TDRD7: variants seen among roughly 807,000 people sequenced by gnomAD.
TDRD7 encodes tudor domain-containing protein 7.
In TDRD7, 47 loss-of-function variants were observed where a neutral mutation model predicts 109.8. The observed-to-expected ratio is 0.43, with a 90% CI of 0.34 to 0.55. The LOEUF (loss-of-function observed/expected upper bound fraction) is 0.55, where lower values mean the gene tolerates loss of function less well. TDRD7 is among the 20% of genes least tolerant of loss of function. TDRD7 has a pLI of 0.03. For missense variants in TDRD7, 1,164 were observed against 1,319.2 expected (o/e 0.88, Z 1.82); for synonymous variants, 424 against 457.3 (o/e 0.93, Z 0.93).
chr9:97,487,814 CCTATTATAATA>C (rs1442078238), intron 16 of TDRD7, among the ~76,000 whole-genome samples: 2 of 151,992 alleles, frequency 1.3e-5, no homozygotes, highest in Non-Finnish European at 2.9e-5. Flanking sequence ...ATGGAAACAA[CCTATTATAATA>C]ACCAGTAGGA....
At chr9:97,489,434 T>C (rs562801775) in intron 16 of TDRD7, among the ~76,000 whole-genome samples, 9 of 152,362 alleles carry the variant, frequency 5.9e-5, no homozygotes, top group African/African-American at 1.9e-4. Flanking sequence ...TGCACTGAAG[T>C]CTGCTTTGCC....
chr9:97,476,231 T>C (rs1444221965), intron 12 of TDRD7, among the ~76,000 whole-genome samples: 2 of 152,236 alleles, frequency 1.3e-5, no homozygotes, highest in Non-Finnish European at 2.9e-5. Flanking sequence ...TGCCTGGATC[T>C]AAGGCCATGT....
intron 6 of TDRD7, among the ~76,000 whole-genome samples, chr9:97,450,919 T>C (rs1828478393): frequency 6.6e-6 from 1 of 151,992 alleles, no homozygotes; most frequent in African/African-American, 2.4e-5. Context: ...TTTTTTTTTT[T>C]TTAAACTAAT....
At chr9:97,423,350 C>G (rs556614624) in intron 1 of TDRD7, among the ~76,000 whole-genome samples, 1 of 150,108 alleles carries the variant, frequency 6.7e-6, no homozygotes, top group South Asian at 2.1e-4. Context: ...TCTGTAGGAT[C>G]TGTATTGATG....
At chr9:97,423,752 C>T (rs1827936814) in intron 1 of TDRD7, among the ~76,000 whole-genome samples, 1 of 152,038 alleles carries the variant, frequency 6.6e-6, no homozygotes, top group Admixed American at 6.5e-5. Context: ...TGGAGGTAGC[C>T]TTTCTCTTTG....
At chr9:97,469,192 C>G (rs1472760374) in intron 8 of TDRD7, among the ~76,000 whole-genome samples, 2 of 152,112 alleles carry the variant, frequency 1.3e-5, no homozygotes. Context: ...GTGGTGATAG[C>G]TATTAAAGGA....
chr9:97,453,222 A>C (rs1828531154), intron 6 of TDRD7, among the ~76,000 whole-genome samples: 1 of 152,214 alleles, frequency 6.6e-6, no homozygotes, highest in Non-Finnish European at 1.5e-5. Flanking sequence ...GAAAAGTTTT[A>C]AGGTGGGCTT....
At position 97,474,453 on chromosome 9, in the gene TDRD7, C is replaced by T. The variant is rs371890528; in HGVS notation, c.2079+827C>T. Among the ~76,000 whole-genome samples the T allele has an allele frequency of 4.4e-4, 67 of 152,214 alleles. 1 individual carries two copies. The East Asian group carries it at 0.012, about 28-fold the overall frequency. ...CTTATTTGCCTTTCTAGACCGTATG[C>T]TTCTTGAGGGCATAGACTGTGCCTT... is the stretch of plus-strand genomic sequence containing the variant. On this transcript the variant is annotated intron_variant, in intron 11 of 16. Coordinates refer to ENST00000355295, the MANE Select transcript of TDRD7 (RefSeq NM_014290.3).
At chr9:97,447,651 G>A (rs1312855615) in intron 6 of TDRD7, among the ~76,000 whole-genome samples, 1 of 152,152 alleles carries the variant, frequency 6.6e-6, no homozygotes. Flanking sequence ...AGTTCCTGAC[G>A]TTTTAACAAT....
Position 97,412,847 on chromosome 9 carries a change from A to G in TDRD7, c.-7+609A>G, listed in dbSNP as rs1644921629. ...GGGAGGGAAACATGGATCCGTGAGT[A>G]AGTTGTCTCTCAACTTTCAGTAGCA... On this transcript the variant is annotated intron_variant, in intron 1 of 16. Coordinates refer to ENST00000355295, the MANE Select transcript of TDRD7 (RefSeq NM_014290.3). This position sits in a 1 kb window ranked among gnomAD's most constrained non-coding sequence, Gnocchi z 4.3. Among the ~76,000 whole-genome samples, 1 of 152,190 alleles carries G rather than the reference A, an allele frequency of 6.6e-6. No individual in the cohort carries two copies. Among genetic ancestry groups the G allele is most frequent in the Admixed American group, 6.5e-5 (1 of 15,286 alleles).
At chr9:97,439,394 A>G (rs1314937547) in intron 5 of TDRD7, 76 bp downstream of exon 5, 2 of 1,198,710 alleles carry the variant, frequency 1.7e-6, no homozygotes, top group East Asian at 4.7e-5. Context: ...GGCTTTTGAC[A>G]TTTGCTCTCA....
intron 6 of TDRD7, among the ~76,000 whole-genome samples, chr9:97,454,205 G>T (rs1036519713): frequency 7.9e-5 from 12 of 152,218 alleles, no homozygotes; most frequent in African/African-American, 2.7e-4. Context: ...TCTCGGCTGG[G>T]TGTGATGGCT....
intron 1 of TDRD7, among the ~76,000 whole-genome samples, chr9:97,417,694 G>C (rs1278278110): frequency 6.6e-6 from 1 of 152,220 alleles, no homozygotes; most frequent in Non-Finnish European, 1.5e-5. Flanking sequence ...ACAAGTAAAA[G>C]GAGGCTCAGG....
intron 4 of TDRD7, among the ~76,000 whole-genome samples, chr9:97,434,902 G>T (rs1035764154): frequency 1.3e-5 from 2 of 152,126 alleles, no homozygotes; most frequent in Admixed American, 1.3e-4. Context: ...CTGAGTGAAA[G>T]AAGCCAATCT....
Position 97,436,808 on chromosome 9 carries a change from T to G in TDRD7, c.564-2437T>G, listed in dbSNP as rs1032828387. Among the ~76,000 whole-genome samples, 3 of 152,302 alleles carry G rather than the reference T, an allele frequency of 2.0e-5. No homozygotes were observed. The South Asian group carries it at 6.2e-4, about 32-fold the overall frequency. ...TCCTGTATCAGTCATTACACAATCC[T>G]TTCTTTCTCTGCTGGTTTGTAATTC... On this transcript the variant is annotated intron_variant, in intron 4 of 16. Coordinates refer to ENST00000355295, the MANE Select transcript of TDRD7 (RefSeq NM_014290.3).
intron 16 of TDRD7, 23 bp downstream of exon 16, chr9:97,487,355 T>C: frequency 1.2e-6 from 2 of 1,613,812 alleles, no homozygotes; most frequent in Non-Finnish European, 1.7e-6. Context: ...GAATCTGAAC[T>C]CATGCTACAA....
intron 13 of TDRD7, chr9:97,480,358 G>T (rs1408526280): frequency 9.8e-6 from 2 of 203,088 alleles, no homozygotes; most frequent in Admixed American, 5.2e-5. Context: ...AATGTGCCTG[G>T]TACCCACGAG....
At chr9:97,492,675 G>A (rs1430463351) in intron 16 of TDRD7, among the ~76,000 whole-genome samples, 1 of 152,196 alleles carries the variant, frequency 6.6e-6, no homozygotes, top group Non-Finnish European at 1.5e-5. Context: ...AAACAGCATT[G>A]CTGTTGGGTC....
intron 1 of TDRD7, among the ~76,000 whole-genome samples, chr9:97,420,030 A>G (rs1321395886): frequency 6.6e-6 from 1 of 152,224 alleles, no homozygotes; most frequent in Non-Finnish European, 1.5e-5. Context: ...GAATTTACAT[A>G]AGAGAAATAA....
Sources: allele counts gnomAD v4.1 joint callset (sites outside exome capture counted in the v4.1 genomes callset), GRCh38; gene constraint gnomAD v4.1.1; non-coding constraint Gnocchi (gnomAD v3.1); transcripts MANE v1.5; gene names NCBI Gene and HGNC (gene_info 2026-07-23, HGNC 2026-07-21).